The following ABCA9 variants were observed in gnomAD, a reference collection of about 807,000 sequenced individuals.
The protein encoded by ABCA9 is ATP binding cassette subfamily A member 9.
In ABCA9, 183 loss-of-function variants were observed where a neutral mutation model predicts 205.3. That is an observed-to-expected ratio of 0.89 (90% CI 0.79 to 1.01). ABCA9 has a LOEUF of 1.01. ABCA9 is among the 50% of genes least tolerant of loss of function. The pLI is 0.00. For missense variants in ABCA9, 1,805 were observed against 1,912.4 expected (o/e 0.94, Z 1.05); for synonymous variants, 651 against 683.3 (o/e 0.95, Z 0.74).
chr17:69,011,395 G>A (rs1346326384), intron 23 of ABCA9, among the ~76,000 whole-genome samples: 1 of 152,194 alleles, frequency 6.6e-6, no homozygotes, highest in Non-Finnish European at 1.5e-5. Context: ...AGTCACTAAA[G>A]ATAGGGACAG....
At chr17:69,033,556 A>C (rs532609908) in intron 9 of ABCA9, 170 bp downstream of exon 9, 63 of 519,950 alleles carry the variant, frequency 1.2e-4, no homozygotes, top group African/African-American at 1.2e-3. Flanking sequence ...GTGTTATAGC[A>C]GAGCCAAGTC....
chr17:69,011,646 A>G (rs2070379016), intron 23 of ABCA9, among the ~76,000 whole-genome samples: 1 of 152,170 alleles, frequency 6.6e-6, no homozygotes. Flanking sequence ...TAGCTTTAGC[A>G]CCATCTGGAA....
rs1174652328 is a variant in ABCA9, at chr17:69,007,836, A to C, written c.3358T>G (p.Phe1120Val). ...ATGAATGAAATCACATATGTCAAGA[A>C]AACAAGAGATGAGACATAGCCAATA... ...CSIGYVSSLVFLTYVISFIFR... is the reference protein window; with the variant it reads ...CSIGYVSSLVVLTYVISFIFR... Residue 1120 changes from phenylalanine (F) to valine (V), a missense_variant, in exon 25 of 39, where the codon TTC (phenylalanine) becomes GTC (valine). Coordinates refer to ENST00000340001, the MANE Select transcript of ABCA9 (RefSeq NM_080283.4). 1.2e-6 allele frequency: 2 copies of C among 1,611,056 alleles called. No individual in the cohort carries two copies. Among genetic ancestry groups the C allele is most frequent in the South Asian group, 1.1e-5 (1 of 90,686 alleles).
At chr17:69,033,486 A>C in intron 9 of ABCA9, 1 of 305,346 alleles carries the variant, frequency 3.3e-6, no homozygotes, top group Non-Finnish European at 6.0e-6. Flanking sequence ...CATAAACACT[A>C]ATAGTATCAT....
At chr17:68,991,169 A>G (rs1328690940) in intron 28 of ABCA9, among the ~76,000 whole-genome samples, 1 of 152,156 alleles carries the variant, frequency 6.6e-6, no homozygotes, top group Non-Finnish European at 1.5e-5. Flanking sequence ...TTCGCTTTTT[A>G]CCAAAGCTTA....
At chr17:69,065,157 G>A (rs1250874837), upstream of ABCA9, among the ~76,000 whole-genome samples, 1 of 152,036 alleles carries the variant, frequency 6.6e-6, no homozygotes, top group African/African-American at 2.4e-5. Flanking sequence ...TTTGGGTTTT[G>A]TCCTACATGG....
rs768901915 is a variant in ABCA9 at position 68,984,122 on chromosome 17, G to A, written c.4433C>T (p.Thr1478Ile). The A allele has an allele frequency of 1.4e-5, 22 of 1,614,082 alleles. No individual in the cohort carries two copies. In the Admixed American group the frequency reaches 3.3e-4, roughly 24 times the overall value. ...RNTERGALLT[T>I]HYMAEAEAVC... is the part of the protein sequence containing the mutation. Reference sequence around the variant, plus strand: ...CGCCTCAGCCTCTGCCATGTAGTGGGTGGTCAGGAGGGCGCCCCTCTCCGT... The same window carrying A: ...CGCCTCAGCCTCTGCCATGTAGTGGATGGTCAGGAGGGCGCCCCTCTCCGT... The change falls in exon 35 of 39, where the codon ACC becomes ATC. Residue 1478 changes from threonine to isoleucine, a missense_variant. Thr to Ile is a moderately conservative substitution (Grantham distance 89). Coordinates refer to ENST00000340001, the MANE Select transcript of ABCA9 (RefSeq NM_080283.4).
At chr17:69,049,596 T>C in intron 2 of ABCA9, 106 bp from the exon 3 acceptor site, 1 of 920,640 alleles carries the variant, frequency 1.1e-6, no homozygotes, top group Non-Finnish European at 1.6e-6. Flanking sequence ...TGGCTTGCAT[T>C]CCATTTATTC....
At position 69,001,512 on chromosome 17, in the gene ABCA9, G is replaced by A. The variant is rs1293283147; in HGVS notation, c.3436-5498C>T. On this transcript the variant is annotated intron_variant, in intron 25 of 38. Coordinates refer to ENST00000340001, the MANE Select transcript of ABCA9 (RefSeq NM_080283.4). ...AGCTTTTTGATGTGCTGCTGGATTC[G>A]GTTTGCCAGTATTTTATTGAGGATT... Among the ~76,000 whole-genome samples, 7 of 150,254 alleles carry A rather than the reference G, an allele frequency of 4.7e-5. No homozygotes were observed. The South Asian group carries it at 8.6e-4, about 18-fold the overall frequency.
At chr17:69,016,568 C>A (rs573005737) in intron 21 of ABCA9, among the ~76,000 whole-genome samples, 178 bp from the exon 22 acceptor site, 2 of 151,728 alleles carry the variant, frequency 1.3e-5, no homozygotes, top group Non-Finnish European at 1.5e-5. Flanking sequence ...CTTAAAGAAT[C>A]CGGTATTTTG....
At chr17:69,035,548 A>G in intron 7 of ABCA9, 112 bp downstream of exon 7, 2 of 1,455,978 alleles carry the variant, frequency 1.4e-6, no homozygotes, top group South Asian at 2.9e-5. Flanking sequence ...ACACTGTTTC[A>G]TGCAAATACT....
intron 3 of ABCA9, among the ~76,000 whole-genome samples, chr17:69,046,903 AT>A (rs2071732365): frequency 3.1e-5 from 3 of 97,138 alleles, no homozygotes; most frequent in African/African-American, 6.3e-5. Context: ...ATATATATAT[AT>A]ATATATATAA....
the ABCA9 span, among the ~76,000 whole-genome samples, chr17:69,069,175 G>T: frequency 6.6e-6 from 1 of 152,222 alleles, no homozygotes; most frequent in African/African-American, 2.4e-5. Context: ...ACCCATCAGA[G>T]ATTGAGGTTT....
At chr17:69,061,336 T>G (rs2072242133), upstream of ABCA9, among the ~76,000 whole-genome samples, 1 of 150,512 alleles carries the variant, frequency 6.6e-6, no homozygotes, top group Non-Finnish European at 1.5e-5. Context: ...AATATATATG[T>G]TATATATATA....
intron 25 of ABCA9, among the ~76,000 whole-genome samples, chr17:69,003,447 C>T (rs1598355746): frequency 1.5e-5 from 2 of 136,270 alleles, no homozygotes; most frequent in Non-Finnish European, 3.2e-5. Context: ...ATATTGGCCC[C>T]CACTCTCTTC....
Position 68,985,072 on chromosome 17 carries a change from G to C in ABCA9, c.4265C>G (p.Ser1422Ter). The change falls in exon 33 of 39, where the codon TCA (serine) becomes TGA (stop). Residue 1422 changes from serine to a stop codon, truncating the protein, a stop_gained. Transcript: ENST00000340001. LOFTEE classifies it high-confidence loss of function. Reference sequence around the variant, plus strand: ...CCGTACCTTTCGCTTTATTCCCTCTGACAAGGTCTTCACGGGAGCCTTCAG... The same window carrying C: ...CCGTACCTTTCGCTTTATTCCCTCTCACAAGGTCTTCACGGGAGCCTTCAG... ...DQLKAPVKTL[S>*]EGIKRKLCFV... 3 of 1,614,194 alleles carry C rather than the reference G, an allele frequency of 1.9e-6. No homozygotes were observed. Among genetic ancestry groups the C allele is most frequent in the Non-Finnish European group, 2.5e-6 (3 of 1,180,050 alleles).
chr17:69,050,973 C>A, intron 2 of ABCA9, 58 bp downstream of exon 2: 1 of 1,478,832 alleles, frequency 6.8e-7, no homozygotes, highest in South Asian at 1.2e-5. Context: ...GTTTATGTTG[C>A]CTGATAAAAT....
intron 1 of ABCA9, among the ~76,000 whole-genome samples, chr17:69,052,712 T>C (rs1486024349): frequency 5.3e-5 from 8 of 152,184 alleles, no homozygotes; most frequent in African/African-American, 1.9e-4. Flanking sequence ...CACTGTCTAC[T>C]TGGAGTTACA....
intron 13 of ABCA9, 67 bp from the exon 14 acceptor site, chr17:69,027,516 T>G: frequency 6.4e-7 from 1 of 1,569,560 alleles, no homozygotes. Flanking sequence ...ATCATTTTTC[T>G]GTTCTTTACA....
Sources: gnomAD v4.1 joint callset for allele counts (sites outside exome capture counted in the v4.1 genomes callset) on GRCh38, gnomAD v4.1.1 for gene constraint, MANE v1.5 for transcripts, NCBI Gene and HGNC (gene_info 2026-07-23, HGNC 2026-07-21) for gene names.